Variants in NEMP1 observed in about 807,000 individuals in gnomAD.
NEMP1 encodes transmembrane protein 194.
In NEMP1, 29 loss-of-function variants were observed where a neutral mutation model predicts 53.7. The ratio of observed to expected loss-of-function variants is 0.54; its 90% CI spans 0.40 to 0.74. The LOEUF (loss-of-function observed/expected upper bound fraction) is 0.74, where lower values mean the gene tolerates loss of function less well. NEMP1 is among the 30% of genes least tolerant of loss of function. The probability of loss-of-function intolerance (pLI) is 0.00; values close to 1 mark genes in which losing one functional copy is unlikely to be tolerated. For missense variants in NEMP1, 477 were observed against 528.6 expected, an observed-to-expected ratio of 0.90 and a Z score of 0.96; for synonymous variants, 193 against 192.9, an observed-to-expected ratio of 1.00 and a Z score of 0.00.
At chr12:57,072,952 G>A (rs1222116851) in intron 1 of NEMP1, 40 bp from the exon 2 acceptor site, 6 of 1,562,812 alleles carry the variant, frequency 3.8e-6, no homozygotes, top group Non-Finnish European at 4.4e-6. Flanking sequence ...AACATAACAA[G>A]CTAATAACTA....
At chr12:57,083,385 T>A (rs1210440901), upstream of NEMP1, among the ~76,000 whole-genome samples, 1 of 152,218 alleles carries the variant, frequency 6.6e-6, no homozygotes, top group Non-Finnish European at 1.5e-5. Context: ...AAGAATCTCC[T>A]TCAGAGTCTA....
intron 1 of NEMP1, 140 bp from the exon 2 acceptor site, chr12:57,073,052 G>A: frequency 3.1e-6 from 2 of 635,012 alleles, no homozygotes; most frequent in Non-Finnish European, 4.9e-6. Context: ...AAAAAAAACT[G>A]AGAAGAAGGA....
upstream of NEMP1, among the ~76,000 whole-genome samples, chr12:57,083,636 C>A (rs560575095): frequency 6.6e-6 from 1 of 152,328 alleles, no homozygotes; most frequent in South Asian, 2.1e-4. Context: ...TGGAATGACA[C>A]ATATGACTTC....
rs1387039754 is a variant in NEMP1 at position 57,056,039 on chromosome 12, TATC to T, written c.*3837_*3839del. The T allele has an allele frequency of 1.3e-5, 2 of 152,216 alleles. No homozygotes were observed. The highest frequency in any genetic ancestry group is 2.4e-5 in the African/African-American group (1 of 41,468). 9.4% of individuals were successfully genotyped at this position (152,216 alleles called of 1,614,324 possible). ...AGAGGTGATTTCACCATTTTCAAAT[TATC>T]ATCAAGAGTGTGAAAGAGGAAGATG... On this transcript the variant is annotated 3_prime_UTR_variant, in exon 9 of 9. Coordinates refer to ENST00000300128, the MANE Select transcript of NEMP1 (RefSeq NM_001130963.2).
upstream of NEMP1, chr12:57,078,864 G>C (rs530291953): frequency 4.2e-6 from 5 of 1,184,318 alleles, no homozygotes; most frequent in South Asian, 7.6e-5. Flanking sequence ...GATGGGCAGG[G>C]CTTCGAGCAC....
upstream of NEMP1, among the ~76,000 whole-genome samples, chr12:57,080,592 A>AC (rs386376646): frequency 7.1e-6 from 1 of 141,722 alleles, no homozygotes; most frequent in Non-Finnish European, 1.5e-5. Context: ...AGAGAAAAAA[A>AC]AAAAAAGTCA....
chr12:57,065,319 C>T (rs1047629943), intron 4 of NEMP1, among the ~76,000 whole-genome samples: 1 of 152,192 alleles, frequency 6.6e-6, no homozygotes, highest in Non-Finnish European at 1.5e-5. Context: ...ACAGCATTAA[C>T]CCTTAACAAG....
intron 1 of NEMP1, among the ~76,000 whole-genome samples, chr12:57,074,187 T>C (rs1392796766): frequency 2.6e-5 from 4 of 151,878 alleles, no homozygotes; most frequent in African/African-American, 9.7e-5. Flanking sequence ...CAGGCTGGTC[T>C]TGAACTCCTG....
At position 57,069,237 on chromosome 12, in the gene NEMP1, C is replaced by T; in HGVS notation, c.542G>A (p.Ser181Asn). 1.3e-6 allele frequency: 2 copies of T among 1,545,966 alleles called. No homozygotes were observed. The highest frequency in any genetic ancestry group is 1.7e-6 in the Non-Finnish European group (2 of 1,145,216). The change falls in exon 4 of 9, where the codon AGC becomes AAC. Residue 181 changes from serine to asparagine, a missense_variant. By Grantham distance (46) the Ser-to-Asn change is conservative. Coordinates refer to ENST00000300128, the MANE Select transcript of NEMP1 (RefSeq NM_001130963.2). The part of the protein sequence containing the change: ...LMLFFCGDLL[S>N]RSQIFYYSTG... ...GCACACTAGCCTTGGAACCTACCTG[C>T]TCAGCAAGTCTCCACAAAAAAATAG...
Position 57,060,914 on chromosome 12 carries a change from G to A in NEMP1, c.1012C>T (p.Pro338Ser), listed in dbSNP as rs1417668986. 5 of 1,613,924 alleles carry A rather than the reference G, an allele frequency of 3.1e-6. No homozygotes were observed. The African/African-American group carries it at 5.3e-5, about 17-fold the overall frequency. The change falls in exon 8 of 9, where the codon CCC (proline) becomes TCC (serine). Residue 338 changes from proline (P) to serine (S), a missense_variant. Transcript: ENST00000300128. Reference sequence around the variant, plus strand: ...TCTTCTTCTGTCAGGAGACGAGGGGGAACAGGCTTTTCTGCTCCCTTACAC... The same window carrying A: ...TCTTCTTCTGTCAGGAGACGAGGGGAAACAGGCTTTTCTGCTCCCTTACAC... ...KVCKGAEKPV[P>S]PRLLTEEEYR... is the part of the protein sequence containing the mutation.
chr12:57,064,678 T>A lies in NEMP1; in HGVS notation c.607A>T (p.Ile203Phe). The A allele has an allele frequency of 6.2e-7, 1 of 1,612,852 alleles. No homozygotes were observed. The highest frequency in any genetic ancestry group is 1.7e-4 in the Middle Eastern group (1 of 6,056). ...ATAAACTTAGATAGTATAAAAATGA[T>A]GATTAGCAGAGAGGCCACAATTCCC... Reference protein sequence around the residue: ...TVGIVASLLIIIFILSKFMPK... With the variant: ...TVGIVASLLIFIFILSKFMPK... The change falls in exon 5 of 9, where the codon ATC becomes TTC. Residue 203 changes from isoleucine to phenylalanine, a missense_variant. Physicochemically the swap from Ile to Phe is conservative, Grantham distance 21 (BLOSUM62 0). Transcript: ENST00000300128.
chr12:57,057,565 AC>A lies in NEMP1; in HGVS notation c.*2313del, dbSNP rs2031587574. 6.6e-6 allele frequency: 1 copy of A among 152,368 alleles called. No homozygotes were observed. The highest frequency in any genetic ancestry group is 1.5e-5 in the Non-Finnish European group (1 of 68,120). The allele number at this position is 152,368 out of a possible 1,614,324, so 9.4% of individuals were successfully genotyped here. A position where few individuals can be genotyped will look rare whatever the true frequency, so the allele number is the denominator to read the frequency against. On this transcript the variant is annotated 3_prime_UTR_variant, in exon 9 of 9. Transcript: ENST00000300128. ...AGGACACACAGCACACCAGAGCAGC[AC>A]CGTCCTTCACTGTGTGAGAGCAACT...
At chr12:57,064,883 T>G in intron 4 of NEMP1, 144 bp from the exon 5 acceptor site, 1 of 571,838 alleles carries the variant, frequency 1.7e-6, no homozygotes, top group Non-Finnish European at 2.9e-6. Context: ...TCAAATTTGG[T>G]TCCAGACCAC....
intron 1 of NEMP1, among the ~76,000 whole-genome samples, chr12:57,087,656 C>T (rs1386609797): frequency 6.6e-6 from 1 of 152,162 alleles, no homozygotes; most frequent in Non-Finnish European, 1.5e-5. Flanking sequence ...TCCTTCTCCC[C>T]GGACCCCACA....
intron 6 of NEMP1, 62 bp downstream of exon 6, chr12:57,064,009 G>A: frequency 2.0e-6 from 2 of 996,294 alleles, no homozygotes; most frequent in Non-Finnish European, 1.5e-6. Flanking sequence ...ATCTTTTCAT[G>A]ATCAAATTAA....
intron 2 of NEMP1, among the ~76,000 whole-genome samples, chr12:57,071,519 A>C (rs1277395869): frequency 6.6e-6 from 1 of 152,046 alleles, no homozygotes; most frequent in African/African-American, 2.4e-5. Flanking sequence ...CTGGGACTAC[A>C]GGGTGTGCGC....
rs1555170916 is a variant in NEMP1, at chr12:57,070,796, G to A, written c.350C>T (p.Ser117Phe). The A allele has an allele frequency of 6.2e-7, 1 of 1,613,514 alleles. No homozygotes were observed. The highest frequency in any genetic ancestry group is 8.5e-7 in the Non-Finnish European group (1 of 1,179,732). The change falls in exon 3 of 9, where the codon TCC becomes TTC. Residue 117 changes from serine to phenylalanine, a missense_variant. Coordinates refer to ENST00000300128, the MANE Select transcript of NEMP1 (RefSeq NM_001130963.2). ...ATTCAATTTCTCTTTTAAAAAGGAG[G>A]AAAAAAAGTTCCAGATACTAAACTG... ...LEQFSIWNFF[S>F]SFLKEKLNDT... is the part of the protein sequence containing the mutation.
chr12:57,071,942 C>T (rs1232195890), intron 2 of NEMP1, among the ~76,000 whole-genome samples: 1 of 152,168 alleles, frequency 6.6e-6, no homozygotes. Flanking sequence ...CTATTTTGTA[C>T]AATCACTGTT....
intron 1 of NEMP1, among the ~76,000 whole-genome samples, chr12:57,087,505 C>T (rs2033044767): frequency 1.3e-5 from 2 of 152,224 alleles, no homozygotes; most frequent in Admixed American, 1.3e-4. Context: ...CAGGGGAGCC[C>T]GTCTAGCCGC....
Sources: allele counts gnomAD v4.1 joint callset (sites outside exome capture counted in the v4.1 genomes callset), GRCh38; gene constraint gnomAD v4.1.1; transcripts MANE v1.5; gene names NCBI Gene and HGNC (gene_info 2026-07-23, HGNC 2026-07-21).